SDK1: variants seen among roughly 807,000 people sequenced by gnomAD.
SDK1 encodes sidekick cell adhesion molecule 1, also known as protein sidekick-1.
SDK1 carries 157 observed loss-of-function variants against 245.5 expected under a neutral mutation model. The observed-to-expected ratio is 0.64, with a 90% confidence interval of 0.56 to 0.73. The LOEUF is 0.73. Ranked by LOEUF, SDK1 falls within the 30% of genes least tolerant of loss-of-function variation. The pLI, the probability that SDK1 is intolerant of heterozygous loss-of-function variation, is 0.00. For synonymous variants in SDK1, 1,647 were observed against 1,278.5 expected, an observed-to-expected ratio of 1.29 and a Z score of -6.15; for missense variants, 3,583 against 3,002.3, an observed-to-expected ratio of 1.19 and a Z score of -4.52.
chr7:3,581,310 C>G (rs1423283105), intron 1 of SDK1, among the ~76,000 whole-genome samples: 1 of 152,066 alleles, frequency 6.6e-6, no homozygotes, highest in Non-Finnish European at 1.5e-5. Flanking sequence ...TAAACAGATG[C>G]TAATCACTAT....
intron 1 of SDK1, among the ~76,000 whole-genome samples, chr7:3,356,507 C>T (rs1423987438): frequency 6.6e-6 from 1 of 152,112 alleles, no homozygotes; most frequent in African/African-American, 2.4e-5. Context: ...TCTAAGACCT[C>T]CTCCTTTATT....
At chr7:3,987,153 C>G (rs757982669) in intron 13 of SDK1, 33 bp from the exon 14 acceptor site, 1 of 1,612,290 alleles carries the variant, frequency 6.2e-7, no homozygotes, top group Non-Finnish European at 8.5e-7. Context: ...CATGTGTTTT[C>G]CTCTTTTTCC....
At chr7:3,451,102 T>C (rs1052297828) in intron 1 of SDK1, among the ~76,000 whole-genome samples, 10 of 152,028 alleles carry the variant, frequency 6.6e-5, no homozygotes, top group South Asian at 2.1e-4. Context: ...GGTTGGCTGC[T>C]AAGTGGATGA....
At chr7:3,579,544 A>G (rs1450909225) in intron 1 of SDK1, among the ~76,000 whole-genome samples, 5 of 152,248 alleles carry the variant, frequency 3.3e-5, no homozygotes, top group African/African-American at 4.8e-5. Flanking sequence ...AGAGCCATCT[A>G]TGACAAACCC....
At chr7:4,194,116 T>A (rs191153243) in intron 35 of SDK1, among the ~76,000 whole-genome samples, 3 of 152,122 alleles carry the variant, frequency 2.0e-5, no homozygotes, top group African/African-American at 7.2e-5. Context: ...ATCCTGAATA[T>A]TCTGTCTCTC....
chr7:3,312,762 T>C (rs1274896924), intron 1 of SDK1, among the ~76,000 whole-genome samples: 1 of 152,154 alleles, frequency 6.6e-6, no homozygotes, highest in Admixed American at 6.5e-5. Context: ...TGAGGAAGTC[T>C]CATATTACCT....
At chr7:3,392,079 A>G (rs75605550) in intron 1 of SDK1, among the ~76,000 whole-genome samples, 6,673 of 151,676 alleles carry the variant, frequency 0.044, 399 homozygotes, top group African/African-American at 0.13. Context: ...CATGATAGAA[A>G]GTATTAGTAT....
chr7:3,893,771 C>T (rs541810612), intron 5 of SDK1, among the ~76,000 whole-genome samples: 4 of 151,660 alleles, frequency 2.6e-5, no homozygotes, highest in Admixed American at 1.3e-4. Context: ...CACATCTTAC[C>T]CTGCCTTCTC....
chr7:4,163,718 A>C (rs1231050642), intron 32 of SDK1, among the ~76,000 whole-genome samples: 5 of 152,096 alleles, frequency 3.3e-5, no homozygotes, highest in Non-Finnish European at 7.3e-5. Flanking sequence ...CATGGTCTTG[A>C]GGTGCGTAGT....
chr7:4,234,047 T>C (rs1785984516), intron 41 of SDK1, among the ~76,000 whole-genome samples: 1 of 152,086 alleles, frequency 6.6e-6, no homozygotes. Context: ...CCGAGGAGCA[T>C]GTGTGATTTT....
chr7:4,028,389 G>A (rs1016595758), intron 17 of SDK1, among the ~76,000 whole-genome samples: 16 of 152,224 alleles, frequency 1.1e-4, no homozygotes, highest in Admixed American at 3.9e-4. Context: ...AACAGTCCCC[G>A]TGAACCACAG....
At chr7:3,333,415 AAG>A (rs1467228481) in intron 1 of SDK1, among the ~76,000 whole-genome samples, 1 of 152,102 alleles carries the variant, frequency 6.6e-6, no homozygotes, top group African/African-American at 2.4e-5. Flanking sequence ...AATGAGGTCA[AAG>A]AGGTTTCTTG....
chr7:4,110,939 G>A (rs539349503), intron 23 of SDK1, among the ~76,000 whole-genome samples, 167 bp downstream of exon 23: 36 of 152,246 alleles, frequency 2.4e-4, no homozygotes, highest in Non-Finnish European at 4.4e-4. Context: ...GCATAGCTTG[G>A]TGTTATTCCA....
At chr7:3,536,032 C>T (rs1554285799) in intron 1 of SDK1, among the ~76,000 whole-genome samples, 1 of 151,592 alleles carries the variant, frequency 6.6e-6, no homozygotes, top group Non-Finnish European at 1.5e-5. Flanking sequence ...AATTCCCCCC[C>T]TGCATGTTTG....
At chr7:4,204,560 G>A (rs756678837) in intron 35 of SDK1, among the ~76,000 whole-genome samples, 20 of 152,210 alleles carry the variant, frequency 1.3e-4, no homozygotes, top group Non-Finnish European at 2.6e-4. Flanking sequence ...GGCGAGTCCT[G>A]AGGTCAGTCT....
In SDK1 at chr7:3,947,401, G is replaced by A. The variant is rs190036423; in HGVS notation, c.848-3522G>A. Among the ~76,000 whole-genome samples the A allele has an allele frequency of 2.6e-3, 401 of 152,166 alleles. 1 individual carries two copies. The highest frequency in any genetic ancestry group is 4.1e-3 in the Non-Finnish European group (277 of 68,010). On this transcript the variant is annotated intron_variant, in intron 5 of 44. Transcript: ENST00000404826. The stretch of plus-strand genomic sequence containing the variant: ...TCTAAAGTTGAAATAAATATACACT[G>A]TTTATATTTACTATGTAAAGATTAT...
chr7:4,115,505 C>T (rs570692808), intron 25 of SDK1, among the ~76,000 whole-genome samples: 1 of 152,338 alleles, frequency 6.6e-6, no homozygotes, highest in South Asian at 2.1e-4. Flanking sequence ...TGCTTCTCTT[C>T]TCTGACTCTC....
chr7:4,211,317 A>G (rs1188877338), intron 38 of SDK1, among the ~76,000 whole-genome samples: 2 of 152,218 alleles, frequency 1.3e-5, no homozygotes, highest in African/African-American at 4.8e-5. Flanking sequence ...GGAAGGTGGA[A>G]TGCAGATGGC....
At chr7:3,990,781 C>T (rs764412925) in intron 14 of SDK1, among the ~76,000 whole-genome samples, 6 of 152,216 alleles carry the variant, frequency 3.9e-5, no homozygotes, top group African/African-American at 1.2e-4. Flanking sequence ...AGTCATGGAC[C>T]GTCTTCCAAA....
Sources: gnomAD v4.1 joint callset for allele counts (sites outside exome capture counted in the v4.1 genomes callset) on GRCh38, gnomAD v4.1.1 for gene constraint, MANE v1.5 for transcripts, NCBI Gene and HGNC (gene_info 2026-07-23, HGNC 2026-07-21) for gene names.